Variants in ITIH6 observed in about 807,000 individuals in gnomAD.
The protein encoded by ITIH6 is inter-alpha-trypsin inhibitor heavy chain H6.
In ITIH6, 60 loss-of-function variants were observed where a neutral mutation model predicts 58.2. That is an observed-to-expected ratio of 1.03 (90% CI 0.84 to 1.28). The LOEUF (loss-of-function observed/expected upper bound fraction) is 1.28, where lower values mean the gene tolerates loss of function less well. Among genes scored for constraint, ITIH6 ranks in the 50% most tolerant of loss-of-function variants. The pLI is 0.00. For missense variants in ITIH6, 1,290 were observed against 1,021.1 expected (o/e 1.26, Z -3.59); for synonymous variants, 493 against 417.4 (o/e 1.18, Z -2.21).
chrX:54,767,068 C>T (rs1187157902), intron 6 of ITIH6, among the ~76,000 whole-genome samples: 3 of 110,714 alleles, frequency 2.7e-5, no homozygotes, highest in Non-Finnish European at 5.6e-5. Context: ...AATTTCAGCT[C>T]CTGTTATTGG....
At chrX:54,762,476 C>T (rs1928668956) in intron 6 of ITIH6, among the ~76,000 whole-genome samples, 1 of 111,802 alleles carries the variant, frequency 8.9e-6, no homozygotes, top group South Asian at 3.8e-4. Context: ...TCCATTTCTT[C>T]CAGGCTGGTC....
chrX:54,780,738 T>A (rs1929132960), intron 5 of ITIH6, among the ~76,000 whole-genome samples: 1 of 110,227 alleles, frequency 9.1e-6, no homozygotes, highest in Non-Finnish European at 1.9e-5. Flanking sequence ...GTTTTTTTTT[T>A]AAGTTTAACA....
chrX:54,783,449 C>T (rs939056149), intron 5 of ITIH6, among the ~76,000 whole-genome samples: 5 of 111,735 alleles, frequency 4.5e-5, no homozygotes, highest in African/African-American at 1.6e-4. Context: ...CCTAAAGATC[C>T]CACAAAATAT....
At position 54,749,532 on chromosome X, in the gene ITIH6, G is replaced by A. The variant is rs140859383; in HGVS notation, c.*363C>T. On this transcript the variant is annotated 3_prime_UTR_variant, in exon 13 of 13. Transcript: ENST00000218436. ...ATGGTCCAGTGGTAGGAGTGAGCATGGTTTGTTAGGGAAACTCTGAGAGCC... is the reference window on the plus strand; with the variant it reads ...ATGGTCCAGTGGTAGGAGTGAGCATAGTTTGTTAGGGAAACTCTGAGAGCC... The A allele has an allele frequency of 5.1e-3, 856 of 166,399 alleles. 3 individuals are homozygous for A. Among genetic ancestry groups the A allele is most frequent in the African/African-American group, 0.024 (796 of 32,978 alleles). 13.7% of individuals were successfully genotyped at this position (166,399 alleles called of 1,213,427 possible).
At chrX:54,761,649 T>A (rs1226401861) in intron 6 of ITIH6, among the ~76,000 whole-genome samples, 6 of 111,363 alleles carry the variant, frequency 5.4e-5, no homozygotes, top group Non-Finnish European at 1.1e-4. Context: ...TTCAGCTTTC[T>A]ACATATGGCT....
intron 6 of ITIH6, among the ~76,000 whole-genome samples, chrX:54,766,949 G>C (rs1350137524): frequency 3.7e-5 from 4 of 108,647 alleles, no homozygotes; most frequent in Non-Finnish European, 7.6e-5. Flanking sequence ...GATTGGAATA[G>C]TTTCAGAAGG....
chrX:54,761,523 C>G (rs969397880), intron 6 of ITIH6, among the ~76,000 whole-genome samples: 3 of 111,344 alleles, frequency 2.7e-5, no homozygotes, highest in Admixed American at 9.6e-5. Flanking sequence ...ATGCCTACGT[C>G]CTGAATGGTA....
chrX:54,763,256 G>C (rs1014444903), intron 6 of ITIH6, among the ~76,000 whole-genome samples: 1 of 111,466 alleles, frequency 9.0e-6, no homozygotes, highest in African/African-American at 3.3e-5. Flanking sequence ...GGAGAGCTCT[G>C]GGGATAGGTC....
intron 2 of ITIH6, among the ~76,000 whole-genome samples, chrX:54,795,777 G>T (rs183426042): frequency 8.9e-6 from 1 of 111,779 alleles, no homozygotes. Flanking sequence ...ACCCACCATT[G>T]TCTTCTGGTC....
chrX:54,786,088 T>A (rs1488011223), intron 5 of ITIH6, among the ~76,000 whole-genome samples: 1 of 112,092 alleles, frequency 8.9e-6, no homozygotes, highest in East Asian at 2.8e-4. Context: ...AGCAGTGAAT[T>A]CGTTGTACTG....
chrX:54,758,671 T>A lies in ITIH6; in HGVS notation c.1403A>T (p.Glu468Val), dbSNP rs1298599804. The change falls in exon 8 of 13, where the codon GAG becomes GTG. Residue 468 changes from glutamate (E) to valine (V), a missense_variant. By Grantham distance (121) the Glu-to-Val change is moderately radical (BLOSUM62 -2). Coordinates refer to ENST00000218436, the MANE Select transcript of ITIH6 (RefSeq NM_198510.3). ...ATCTGCCAGCAGAGGCATGGAGATC[T>A]CCTCATAGAGGCCCTTCAGCTGTAG... Reference protein sequence around the residue: ...AALQLKGLYEEISMPLLADVR... With the variant: ...AALQLKGLYEVISMPLLADVR... The A allele has an allele frequency of 8.3e-7, 1 of 1,211,619 alleles. No individual in the cohort carries two copies. Among genetic ancestry groups the A allele is most frequent in the Admixed American group, 2.2e-5 (1 of 46,073 alleles).
intron 8 of ITIH6, 110 bp from the exon 9 acceptor site, chrX:54,755,219 T>C (rs1489501947): frequency 3.4e-6 from 2 of 590,759 alleles, no homozygotes; most frequent in Admixed American, 5.9e-5. Context: ...CCTGCCCATC[T>C]CCAGGACTGG....
chrX:54,783,939 C>T (rs890001098), intron 5 of ITIH6, among the ~76,000 whole-genome samples: 31 of 111,903 alleles, frequency 2.8e-4, no homozygotes, highest in Admixed American at 1.9e-3. Context: ...TCAAATTATA[C>T]GGCAGAGCTA....
chrX:54,752,690 A>G (rs941019401), intron 11 of ITIH6, among the ~76,000 whole-genome samples: 1 of 112,426 alleles, frequency 8.9e-6, no homozygotes, highest in Non-Finnish European at 1.9e-5. Context: ...TTGCACCCAG[A>G]TCACCTGCAG....
intron 5 of ITIH6, among the ~76,000 whole-genome samples, chrX:54,782,513 G>T (rs1445971495): frequency 9.0e-6 from 1 of 111,584 alleles, no homozygotes; most frequent in Non-Finnish European, 1.9e-5. Context: ...AAACCCCCAT[G>T]ACCCACATTT....
At chrX:54,764,794 C>G (rs1450224399) in intron 6 of ITIH6, among the ~76,000 whole-genome samples, 1 of 95,011 alleles carries the variant, frequency 1.1e-5, no homozygotes, top group Non-Finnish European at 2.1e-5. Context: ...ATGGCTGGGT[C>G]AAATGGTATT....
rs761064839 is a variant in ITIH6, at chrX:54,758,153, G to T, written c.1921C>A (p.His641Asn). 8.3e-7 allele frequency: 1 copy of T among 1,209,776 alleles called. No individual in the cohort carries two copies. The highest frequency in any genetic ancestry group is 1.1e-6 in the Non-Finnish European group (1 of 894,938). ...DTIMPSSSSR[H>N]GLGVSTAQPA... ...TGAGCTGTGCTTACCCCTAGGCCATGCCTGCTGCTGGATGAGGGCATGATG... is the reference window on the plus strand; with the variant it reads ...TGAGCTGTGCTTACCCCTAGGCCATTCCTGCTGCTGGATGAGGGCATGATG... Residue 641 changes from histidine (H) to asparagine (N), a missense_variant, in exon 8 of 13, where the codon CAT becomes AAT. By Grantham distance (68) the His-to-Asn change is moderately conservative (BLOSUM62 1). Coordinates refer to ENST00000218436, the MANE Select transcript of ITIH6 (RefSeq NM_198510.3).
intron 2 of ITIH6, among the ~76,000 whole-genome samples, chrX:54,795,164 C>T (rs1276563946): frequency 9.0e-6 from 1 of 111,538 alleles, no homozygotes. Flanking sequence ...AATCACCTCT[C>T]CTTGCTTAAC....
At chrX:54,768,790 T>G (rs1486194256) in intron 6 of ITIH6, among the ~76,000 whole-genome samples, 2 of 102,797 alleles carry the variant, frequency 1.9e-5, no homozygotes, top group African/African-American at 7.8e-5. Context: ...AACCCGACCT[T>G]TCTCTCTGGC....
Sources: allele counts gnomAD v4.1 joint callset (sites outside exome capture counted in the v4.1 genomes callset), GRCh38; gene constraint gnomAD v4.1.1; transcripts MANE v1.5; gene names NCBI Gene and HGNC (gene_info 2026-07-23, HGNC 2026-07-21).